The following FBXO5 variants were observed in gnomAD, a reference collection of about 807,000 sequenced individuals.
FBXO5 encodes F-box protein 5.
A neutral mutation model predicts 43.3 loss-of-function variants in FBXO5; 8 were observed. The observed-to-expected ratio is 0.18, with a 90% confidence interval of 0.11 to 0.33. FBXO5 has a LOEUF of 0.33. Among genes scored for constraint, FBXO5 ranks in the 10% least tolerant of loss-of-function variants. The pLI is 1.00. For missense variants in FBXO5, 491 were observed against 535.7 expected (o/e 0.92, Z 0.82); for synonymous variants, 204 against 193.7 (o/e 1.05, Z -0.44).
upstream of FBXO5, chr6:152,983,314 T>G: frequency 4.4e-6 from 1 of 227,460 alleles, no homozygotes; most frequent in Non-Finnish European, 8.6e-6. Flanking sequence ...GCCACACGTG[T>G]GGAGGGTCTA....
chr6:152,978,672 G>A (rs907751210), intron 1 of FBXO5, among the ~76,000 whole-genome samples: 1 of 152,086 alleles, frequency 6.6e-6, no homozygotes, highest in Non-Finnish European at 1.5e-5. Flanking sequence ...TGCAACAACA[G>A]TATTTTCACA....
chr6:152,976,882 C>T (rs1246655968), intron 1 of FBXO5, among the ~76,000 whole-genome samples: 2 of 152,254 alleles, frequency 1.3e-5, no homozygotes, highest in East Asian at 3.9e-4. Context: ...CTGTCCTGTG[C>T]ATTGTAGGAT....
chr6:152,972,470 GTT>G lies in FBXO5; in HGVS notation c.910-18_910-17del. ...TGTTGTTTTCCTAATTTAAAAAAAA[GTT>G]TTAATAGAATTTAGAAATTATTTCC... is the stretch of plus-strand genomic sequence containing the variant. On this transcript the variant is annotated splice_polypyrimidine_tract_variant and intron_variant, in intron 3 of 4. Transcript: ENST00000229758. 1 of 1,532,242 alleles carries G rather than the reference GTT, an allele frequency of 6.5e-7. No individual in the cohort carries two copies. The highest frequency in any genetic ancestry group is 8.9e-7 in the Non-Finnish European group (1 of 1,128,336). The allele number at this position is 1,532,242 out of a possible 1,614,324, so 94.9% of individuals were successfully genotyped here.
In FBXO5 at chr6:152,970,989, T is replaced by C; in HGVS notation, c.*174A>G. ...TTTTAAACTTTTTCTCATTAAATTGTAAAAATATTTTAAGAGGTTGTCTAT... is the reference window on the plus strand; with the variant it reads ...TTTTAAACTTTTTCTCATTAAATTGCAAAAATATTTTAAGAGGTTGTCTAT... On this transcript the variant is annotated 3_prime_UTR_variant, in exon 5 of 5. Transcript: ENST00000229758. The C allele has an allele frequency of 2.1e-6, 1 of 482,908 alleles. No individual in the cohort carries two copies. Among genetic ancestry groups the C allele is most frequent in the African/African-American group, 2.0e-5 (1 of 50,178 alleles). 29.9% of individuals were successfully genotyped at this position (482,908 alleles called of 1,614,324 possible).
chr6:152,979,792 A>G (rs1177030579), intron 1 of FBXO5, among the ~76,000 whole-genome samples: 2 of 152,154 alleles, frequency 1.3e-5, no homozygotes, highest in Non-Finnish European at 2.9e-5. Context: ...ACATACTTAA[A>G]TCATTTTGTG....
At chr6:152,973,695 C>A (rs535655031) in intron 2 of FBXO5, 2 of 152,392 alleles carry the variant, frequency 1.3e-5, no homozygotes, top group South Asian at 4.1e-4. Context: ...AACCCTGTGT[C>A]TACTAAAAAT....
intron 1 of FBXO5, among the ~76,000 whole-genome samples, chr6:152,977,287 T>G (rs1211136520): frequency 6.6e-6 from 1 of 151,592 alleles, no homozygotes; most frequent in African/African-American, 2.4e-5. Context: ...TAGCTAACAA[T>G]TTATCCTGTA....
intron 2 of FBXO5, chr6:152,973,438 T>C (rs1259957824): frequency 1.7e-5 from 4 of 241,698 alleles, no homozygotes; most frequent in East Asian, 8.4e-5. Flanking sequence ...CCACTGTATA[T>C]ATGATACCAT....
chr6:152,982,929 G>A lies in FBXO5; in HGVS notation c.31C>T (p.Arg11Trp). The change falls in exon 1 of 5, where the codon CGG becomes TGG. Residue 11 changes from arginine (R) to tryptophan (W), a missense_variant. By Grantham distance (101) the Arg-to-Trp change is moderately radical. Coordinates refer to ENST00000229758, the MANE Select transcript of FBXO5 (RefSeq NM_012177.5). ...GCGCTGCAGGAGCAGCGGGGTGGCC[G>A]TAGGGCGCAGCTGCAGGGGCGCCGG... MSRRPCSCAL[R>W]PPRCSCSASP... is the part of the protein sequence containing the mutation. The A allele has an allele frequency of 1.4e-6, 2 of 1,448,262 alleles. No individual in the cohort carries two copies. Among genetic ancestry groups the A allele is most frequent in the Non-Finnish European group, 9.0e-7 (1 of 1,109,338 alleles). 89.7% of individuals were successfully genotyped at this position (1,448,262 alleles called of 1,614,324 possible).
At chr6:152,979,973 A>T (rs116906254) in intron 1 of FBXO5, among the ~76,000 whole-genome samples, 1,526 of 152,354 alleles carry the variant, frequency 0.01, 21 homozygotes, top group South Asian at 0.049. Context: ...TTAATTTTAA[A>T]ATATGAAATT....
chr6:152,974,828 G>T lies in FBXO5; in HGVS notation c.818+79C>A, dbSNP rs907028673. The T allele has an allele frequency of 2.5e-5, 27 of 1,098,886 alleles. No homozygotes were observed. In the Admixed American group the frequency reaches 4.8e-4, roughly 19 times the overall value. The allele number at this position is 1,098,886 out of a possible 1,614,324, so 68.1% of individuals were successfully genotyped here. The stretch of plus-strand genomic sequence containing the variant: ...ACACTCAACCTGTACAACAGCCTTT[G>T]CATGAGCTGGTGGTACTGAGCCACT... On this transcript the variant is annotated intron_variant, in intron 2 of 4. Transcript: ENST00000229758.
chr6:152,978,597 T>A (rs1202570705), intron 1 of FBXO5, among the ~76,000 whole-genome samples: 1 of 152,140 alleles, frequency 6.6e-6, no homozygotes, highest in South Asian at 2.1e-4. Flanking sequence ...ATACCAACAT[T>A]AGAATCTGTA....
intron 1 of FBXO5, among the ~76,000 whole-genome samples, chr6:152,977,406 A>C (rs960985834): frequency 6.6e-6 from 1 of 152,244 alleles, no homozygotes; most frequent in African/African-American, 2.4e-5. Context: ...AACTCAAAGT[A>C]GAAATGGATA....
chr6:152,981,363 T>C (rs1396062136), intron 1 of FBXO5, among the ~76,000 whole-genome samples: 6 of 152,214 alleles, frequency 3.9e-5, no homozygotes, highest in Non-Finnish European at 1.5e-5. Flanking sequence ...TTAAAAATCT[T>C]TGTAACTCTT....
chr6:152,970,610 T>C lies in FBXO5; in HGVS notation c.*553A>G, dbSNP rs553118402. 3 of 152,288 alleles carry C rather than the reference T, an allele frequency of 2.0e-5. No homozygotes were observed. Among genetic ancestry groups the C allele is most frequent in the African/African-American group, 7.2e-5 (3 of 41,532 alleles). 9.4% of individuals were successfully genotyped at this position (152,288 alleles called of 1,614,324 possible). A position where few individuals can be genotyped will look rare whatever the true frequency, so the allele number is the denominator to read the frequency against. ...TTGACATATAAAAAATACAGAAATA[T>C]TTACATGTATACAAAAATATTAAAA... is the stretch of plus-strand genomic sequence containing the variant. On this transcript the variant is annotated 3_prime_UTR_variant, in exon 5 of 5. Transcript: ENST00000229758.
rs1408638925 is a variant in FBXO5, at chr6:152,975,053, T to A, written c.672A>T (p.Ile224=). ...KVDREMLKEI[I]ARGNFRLQNI... ...TCTGCAGTCTAAAATTTCCTCTGGC[T>A]ATAATTTCCTTCAGCATCTCCCGAT... Residue 224 remains isoleucine, a synonymous_variant, in exon 2 of 5, where the codon ATA becomes ATT. Coordinates refer to ENST00000229758, the MANE Select transcript of FBXO5 (RefSeq NM_012177.5). The A allele has an allele frequency of 6.2e-7, 1 of 1,614,078 alleles. No individual in the cohort carries two copies. The highest frequency in any genetic ancestry group is 1.7e-5 in the Admixed American group (1 of 60,012).
At position 152,972,406 on chromosome 6, in the gene FBXO5, T is replaced by A. The variant is rs151258622; in HGVS notation, c.958A>T (p.Met320Leu). The A allele has an allele frequency of 4.7e-4, 750 of 1,610,592 alleles. 12 individuals are homozygous for A. The South Asian group carries it at 7.0e-3, about 15-fold the overall frequency. The change falls in exon 4 of 5, where the codon ATG (methionine) becomes TTG (leucine). Residue 320 changes from methionine to leucine, a missense_variant. Physicochemically the swap from Met to Leu is conservative, Grantham distance 15 (BLOSUM62 2). Transcript: ENST00000229758. The part of the protein sequence containing the change: ...SPHASTREYV[M>L]FRTPLASVQK... Reference sequence around the variant, plus strand: ...ACAGAAGCCAGTGGGGTTCTGAACATAACATATTCTCTGGTTGAAGCATGA... The same window carrying A: ...ACAGAAGCCAGTGGGGTTCTGAACAAAACATATTCTCTGGTTGAAGCATGA...
Position 152,971,151 on chromosome 6 carries a change from T to G in FBXO5, c.*12A>C, listed in dbSNP as rs781007192. The stretch of plus-strand genomic sequence containing the variant: ...AACATTCATGATCAGTAACAATTGA[T>G]TTAATAAGAGATCACAATCTTCGTA... On this transcript the variant is annotated 3_prime_UTR_variant, in exon 5 of 5. Coordinates refer to ENST00000229758, the MANE Select transcript of FBXO5 (RefSeq NM_012177.5). 1.0e-5 allele frequency: 16 copies of G among 1,593,414 alleles called. No individual in the cohort carries two copies. The highest frequency in any genetic ancestry group is 1.8e-5 in the Admixed American group (1 of 55,350).
chr6:152,972,064 CGAAAT>C (rs1778094788), intron 4 of FBXO5, among the ~76,000 whole-genome samples: 1 of 151,862 alleles, frequency 6.6e-6, no homozygotes, highest in South Asian at 2.1e-4. Context: ...ACATTGAGAG[CGAAAT>C]GAAGAGGACA....
Sources: gnomAD v4.1 joint callset for allele counts (sites outside exome capture counted in the v4.1 genomes callset) on GRCh38, gnomAD v4.1.1 for gene constraint, MANE v1.5 for transcripts, NCBI Gene and HGNC (gene_info 2026-07-23, HGNC 2026-07-21) for gene names.